The following WWC1 variants were observed in gnomAD, a reference collection of about 807,000 sequenced individuals.
The protein encoded by WWC1 is WW and C2 domain containing 1, also known as protein KIBRA.
WWC1 carries 55 observed loss-of-function variants against 138.4 expected under a neutral mutation model. The ratio of observed to expected loss-of-function variants is 0.40; its 90% CI spans 0.32 to 0.50. WWC1 has a LOEUF of 0.50. Among genes scored for constraint, WWC1 ranks in the 20% least tolerant of loss-of-function variants. WWC1 has a pLI of 0.72. For missense variants in WWC1, 1,226 were observed against 1,420.4 expected (o/e 0.86, Z 2.20); for synonymous variants, 524 against 564.9 (o/e 0.93, Z 1.03).
chr5:168,367,771 T>C (rs1030182), intron 1 of WWC1, among the ~76,000 whole-genome samples: 84,808 of 151,970 alleles, frequency 0.56, 23,831 homozygotes, highest in South Asian at 0.65. Context: ...GGAAAGGGAA[T>C]GTCACATACA....
chr5:168,323,160 C>A (rs1772257361), intron 1 of WWC1, among the ~76,000 whole-genome samples: 1 of 152,084 alleles, frequency 6.6e-6, no homozygotes, highest in African/African-American at 2.4e-5. Flanking sequence ...ATTACAACAT[C>A]TGATGAAAAA....
intron 1 of WWC1, among the ~76,000 whole-genome samples, chr5:168,318,324 G>A (rs1771778365): frequency 6.6e-6 from 1 of 151,934 alleles, no homozygotes; most frequent in African/African-American, 2.4e-5. Flanking sequence ...ATTTTTAATT[G>A]TGGCAAAATA....
At chr5:168,373,015 G>C (rs55914544) in intron 2 of WWC1, among the ~76,000 whole-genome samples, 18,967 of 152,252 alleles carry the variant, frequency 0.12, 1,447 homozygotes, top group East Asian at 0.24. Flanking sequence ...ACAGCTAATG[G>C]CATTAATTGC....
intron 3 of WWC1, among the ~76,000 whole-genome samples, chr5:168,387,050 A>G (rs1380330829): frequency 2.6e-5 from 4 of 152,232 alleles, no homozygotes; most frequent in Non-Finnish European, 5.9e-5. Context: ...GTTAATTCTC[A>G]TAACAGTTCT....
chr5:168,303,140 C>T (rs950776261), intron 1 of WWC1, among the ~76,000 whole-genome samples: 4 of 152,120 alleles, frequency 2.6e-5, no homozygotes, highest in South Asian at 4.1e-4. Flanking sequence ...GAAGTAACTT[C>T]GTCCTCCCTA....
intron 1 of WWC1, among the ~76,000 whole-genome samples, chr5:168,365,894 A>G (rs770947827): frequency 2.6e-5 from 4 of 152,106 alleles, no homozygotes; most frequent in Admixed American, 6.5e-5. Context: ...TGATTTCACA[A>G]TTGGGGTTTT....
chr5:168,384,520 A>C (rs535372988), intron 2 of WWC1, among the ~76,000 whole-genome samples: 1 of 152,248 alleles, frequency 6.6e-6, no homozygotes, highest in East Asian at 1.9e-4. Context: ...CCAGCTGGCT[A>C]TAGGGTACCT....
In WWC1 at chr5:168,431,403, G is replaced by T; in HGVS notation, c.2239G>T (p.Asp747Tyr). 6.2e-7 allele frequency: 1 copy of T among 1,613,876 alleles called. No homozygotes were observed. The highest frequency in any genetic ancestry group is 8.5e-7 in the Non-Finnish European group (1 of 1,179,990). Reference protein sequence around the residue: ...PALHQKTLRVDVCTTDRSHLE... With the variant: ...PALHQKTLRVYVCTTDRSHLE... ...CCTTCACCAGAAGACCTTAAGAGTC[G>T]ATGTCTGTACCACCGACAGGAGCCA... The change falls in exon 15 of 23, where the codon GAT becomes TAT. Residue 747 changes from aspartate to tyrosine, a missense_variant. By Grantham distance (160) the Asp-to-Tyr change is radical. Around this residue, in one of 3 missense-constraint regions of WWC1, gnomAD observed 1,016 missense variants for 1,153.9 expected, o/e 0.88. Coordinates refer to ENST00000265293, the MANE Select transcript of WWC1 (RefSeq NM_015238.3).
chr5:168,372,053 T>TGTGTGTG (rs1776797418), intron 2 of WWC1, among the ~76,000 whole-genome samples: 1 of 141,262 alleles, frequency 7.1e-6, no homozygotes, highest in African/African-American at 2.7e-5. Context: ...AAGAGTGTGT[T>TGTGTGTG]TGTGTGTGTG....
chr5:168,449,609 T>C (rs1341102114), intron 17 of WWC1, among the ~76,000 whole-genome samples: 1 of 145,902 alleles, frequency 6.9e-6, no homozygotes, highest in East Asian at 2.0e-4. Flanking sequence ...GTTTCACTCT[T>C]GTTGCCCAGG....
chr5:168,375,100 T>C (rs1363295943), intron 2 of WWC1, among the ~76,000 whole-genome samples: 3 of 152,140 alleles, frequency 2.0e-5, no homozygotes, highest in Non-Finnish European at 4.4e-5. Context: ...CAGTTTGATA[T>C]ATAAACCTGG....
chr5:168,342,629 C>T (rs1774132738), intron 1 of WWC1, among the ~76,000 whole-genome samples: 1 of 152,064 alleles, frequency 6.6e-6, no homozygotes, highest in Admixed American at 6.6e-5. Context: ...TCGTGGATGA[C>T]TCACTAAGAC....
At chr5:168,451,903 CTTTTT>C (rs3085192) in intron 17 of WWC1, among the ~76,000 whole-genome samples, 2 of 108,516 alleles carry the variant, frequency 1.8e-5, no homozygotes. Context: ...TTGTTGGTGT[CTTTTT>C]TTTTTTTTTT....
chr5:168,358,063 C>T (rs1023998230), intron 1 of WWC1, among the ~76,000 whole-genome samples: 1 of 152,174 alleles, frequency 6.6e-6, no homozygotes, highest in Non-Finnish European at 1.5e-5. Flanking sequence ...GGGACCCTTG[C>T]ATGTGGTGGG....
intron 2 of WWC1, among the ~76,000 whole-genome samples, chr5:168,378,077 A>G (rs979054130): frequency 1.3e-5 from 2 of 152,226 alleles, no homozygotes; most frequent in Admixed American, 6.5e-5. Context: ...CATATACACC[A>G]TGGAATACTA....
chr5:168,311,721 CA>C (rs1771102804), intron 1 of WWC1, among the ~76,000 whole-genome samples: 1 of 152,000 alleles, frequency 6.6e-6, no homozygotes, highest in African/African-American at 2.4e-5. Context: ...AAATGATATA[CA>C]AAAAATTAGC....
chr5:168,459,115 A>T (rs2152889977), intron 19 of WWC1, among the ~76,000 whole-genome samples: 1 of 152,248 alleles, frequency 6.6e-6, no homozygotes, highest in South Asian at 2.1e-4. Flanking sequence ...TTATCCGGGC[A>T]CAGTGGCACG....
chr5:168,383,208 G>T (rs1465195291), intron 2 of WWC1, among the ~76,000 whole-genome samples: 2 of 150,966 alleles, frequency 1.3e-5, no homozygotes, highest in South Asian at 2.1e-4. Flanking sequence ...AAAGAAAAAA[G>T]AAAAAGAAAA....
At chr5:168,404,226 A>G (rs1779610771) in intron 5 of WWC1, among the ~76,000 whole-genome samples, 1 of 152,218 alleles carries the variant, frequency 6.6e-6, no homozygotes, top group Non-Finnish European at 1.5e-5. Flanking sequence ...TGCTCCAACA[A>G]ACAACAACTC....
Sources: gnomAD v4.1 joint callset for allele counts (sites outside exome capture counted in the v4.1 genomes callset) on GRCh38, gnomAD v4.1.1 for gene constraint, gnomAD v4.1.1 regional missense constraint, MANE v1.5 for transcripts, NCBI Gene and HGNC (gene_info 2026-07-23, HGNC 2026-07-21) for gene names.